XRN2: variants seen among roughly 807,000 people sequenced by gnomAD.
XRN2 encodes DHM1-like protein.
In XRN2, 44 loss-of-function variants were observed where a neutral mutation model predicts 138.5. The ratio of observed to expected loss-of-function variants is 0.32; its 90% CI spans 0.25 to 0.41. The LOEUF (loss-of-function observed/expected upper bound fraction) is 0.41, where lower values mean the gene tolerates loss of function less well. XRN2 is among the 10% of genes least tolerant of loss of function. The probability of loss-of-function intolerance (pLI) is 1.00; values close to 1 mark genes in which losing one functional copy is unlikely to be tolerated. For missense variants in XRN2, 937 were observed against 1,169.3 expected (o/e 0.80, Z 2.90); for synonymous variants, 354 against 369.4 (o/e 0.96, Z 0.48).
At chr20:21,357,579 CT>C (rs1049552028) in intron 23 of XRN2, among the ~76,000 whole-genome samples, 156 bp from the exon 24 acceptor site, 85 of 151,132 alleles carry the variant, frequency 5.6e-4, no homozygotes, top group African/African-American at 2.0e-3. Flanking sequence ...GGTACTTACT[CT>C]TTTTTTTTAA....
At chr20:21,383,314 T>C (rs528481497) in intron 28 of XRN2, among the ~76,000 whole-genome samples, 1 of 152,348 alleles carries the variant, frequency 6.6e-6, no homozygotes, top group African/African-American at 2.4e-5. Flanking sequence ...TCCTAAATTA[T>C]ATACTTGGTT....
chr20:21,330,054 C>T (rs184036964), intron 4 of XRN2, among the ~76,000 whole-genome samples: 4 of 152,088 alleles, frequency 2.6e-5, no homozygotes, highest in African/African-American at 9.6e-5. Flanking sequence ...AGGCCGAGGA[C>T]GGCAGATGAC....
intron 13 of XRN2, among the ~76,000 whole-genome samples, chr20:21,336,545 C>T (rs542561274): frequency 2.0e-5 from 3 of 152,242 alleles, no homozygotes; most frequent in African/African-American, 7.2e-5. Flanking sequence ...TCATGTTTAC[C>T]TTTTAACTTG....
At chr20:21,373,699 G>T (rs1034729853) in intron 27 of XRN2, among the ~76,000 whole-genome samples, 1 of 152,170 alleles carries the variant, frequency 6.6e-6, no homozygotes, top group Admixed American at 6.5e-5. Context: ...ATATCTCACC[G>T]AGCTTTTAGT....
At position 21,389,425 on chromosome 20, in the gene XRN2, T is replaced by C. The variant is rs2038966671; in HGVS notation, c.*87T>C. The C allele has an allele frequency of 8.3e-7, 1 of 1,204,716 alleles. No homozygotes were observed. The highest frequency in any genetic ancestry group is 2.2e-5 in the Admixed American group (1 of 44,482). 74.6% of individuals were successfully genotyped at this position (1,204,716 alleles called of 1,614,324 possible). Reference sequence around the variant, plus strand: ...GATTTCTTTCTCAAGTAGTAGTTTTTAATAAAACTACAGTACTTTGTGTAT... The same window carrying C: ...GATTTCTTTCTCAAGTAGTAGTTTTCAATAAAACTACAGTACTTTGTGTAT... On this transcript the variant is annotated 3_prime_UTR_variant, in exon 30 of 30. Coordinates refer to ENST00000377191, the MANE Select transcript of XRN2 (RefSeq NM_012255.5).
At chr20:21,372,195 C>T (rs2038771378) in intron 27 of XRN2, among the ~76,000 whole-genome samples, 1 of 152,182 alleles carries the variant, frequency 6.6e-6, no homozygotes, top group Non-Finnish European at 1.5e-5. Flanking sequence ...AGGATTAGTG[C>T]TGGGACTCTA....
At chr20:21,334,247 T>C (rs2038255673) in intron 13 of XRN2, 62 bp downstream of exon 13, 6 of 1,335,602 alleles carry the variant, frequency 4.5e-6, no homozygotes, top group African/African-American at 1.5e-5. Flanking sequence ...ATGATGATCC[T>C]GTGATTACTT....
At chr20:21,350,281 A>G (rs1234010006) in intron 20 of XRN2, among the ~76,000 whole-genome samples, 2 of 152,016 alleles carry the variant, frequency 1.3e-5, no homozygotes, top group Admixed American at 6.6e-5. Context: ...AATCCCAGCA[A>G]TTTGGGAGGC....
At chr20:21,347,581 G>C (rs1048749794) in intron 17 of XRN2, among the ~76,000 whole-genome samples, 1 of 152,228 alleles carries the variant, frequency 6.6e-6, no homozygotes, top group Non-Finnish European at 1.5e-5. Context: ...ACACATCTTA[G>C]ATATCTCTTT....
chr20:21,306,703 T>C (rs1320354793), intron 1 of XRN2, among the ~76,000 whole-genome samples: 2 of 76,434 alleles, frequency 2.6e-5, no homozygotes, highest in African/African-American at 7.2e-5. Context: ...ATTGTTATTA[T>C]GTTATAATAA....
chr20:21,315,089 C>T (rs1304017825), intron 1 of XRN2, among the ~76,000 whole-genome samples: 1 of 152,174 alleles, frequency 6.6e-6, no homozygotes, highest in Non-Finnish European at 1.5e-5. Context: ...AAAAAATGTC[C>T]TGCTTCCAGG....
rs2122306220 is a variant in XRN2, at chr20:21,365,435, A to G, written c.2270A>G (p.Asp757Gly). 6.2e-7 allele frequency: 1 copy of G among 1,613,374 alleles called. No homozygotes were observed. Among genetic ancestry groups the G allele is most frequent in the Non-Finnish European group, 8.5e-7 (1 of 1,179,854 alleles). ...TTCTTTTCCAGTATTAATTTTAAAG[A>G]CCCACAGTTTGCTGAAGATTACATT... ...QNTVVSINFKDPQFAEDYIFK... is the reference protein window; with the variant it reads ...QNTVVSINFKGPQFAEDYIFK... The change falls in exon 25 of 30, where the codon GAC (aspartate) becomes GGC (glycine). Residue 757 changes from aspartate (D) to glycine (G), a missense_variant. Asp to Gly is a moderately conservative substitution (Grantham distance 94). Transcript: ENST00000377191.
In XRN2 at chr20:21,346,507, C is replaced by T. The variant is rs368852414; in HGVS notation, c.1622C>T (p.Ser541Leu). The change falls in exon 17 of 30, where the codon TCG becomes TTG. Residue 541 changes from serine to leucine, a missense_variant. Around this residue, in one of 6 missense-constraint regions of XRN2, gnomAD observed 471 missense variants for 581.2 expected, o/e 0.81. Coordinates refer to ENST00000377191, the MANE Select transcript of XRN2 (RefSeq NM_012255.5). ...AAATTCCGTCGGAAAGTTGTGCAGT[C>T]GTACGTTGAAGGACTTTGCTGGGTT... ...DEKFRRKVVQ[S>L]YVEGLCWVLR... The T allele has an allele frequency of 9.9e-6, 16 of 1,613,954 alleles. No individual in the cohort carries two copies. The Admixed American group carries it at 1.0e-4, about 10-fold the overall frequency.
chr20:21,341,627 G>C (rs1368420703), intron 15 of XRN2, among the ~76,000 whole-genome samples: 4 of 152,190 alleles, frequency 2.6e-5, no homozygotes, highest in Non-Finnish European at 4.4e-5. Flanking sequence ...AACAGACCCT[G>C]ATCTAACAGT....
intron 1 of XRN2, among the ~76,000 whole-genome samples, chr20:21,312,464 C>T (rs2037895151): frequency 6.6e-6 from 1 of 152,106 alleles, no homozygotes; most frequent in Non-Finnish European, 1.5e-5. Context: ...CTGATTCAGT[C>T]ATCAGCTTCT....
At chr20:21,365,079 C>A (rs1600710092) in intron 24 of XRN2, among the ~76,000 whole-genome samples, 1 of 152,212 alleles carries the variant, frequency 6.6e-6, no homozygotes, top group East Asian at 1.9e-4. Context: ...GTGGACTGAA[C>A]AAAATTAAAG....
At chr20:21,311,728 C>G (rs1468601593) in intron 1 of XRN2, among the ~76,000 whole-genome samples, 1 of 152,160 alleles carries the variant, frequency 6.6e-6, no homozygotes, top group Non-Finnish European at 1.5e-5. Flanking sequence ...TGGCTCACGC[C>G]TGCAATCCCA....
chr20:21,326,316 C>G lies in XRN2; in HGVS notation c.113C>G (p.Ala38Gly). The G allele has an allele frequency of 6.2e-6, 10 of 1,613,680 alleles. No individual in the cohort carries two copies. The highest frequency in any genetic ancestry group is 7.6e-6 in the Non-Finnish European group (9 of 1,179,750). ...AATGGTGTAAAGATTCCAGTTGATG[C>G]CAGTAAACCTAATCCAAATGATGTG... is the stretch of plus-strand genomic sequence containing the variant. ...ECNGVKIPVD[A>G]SKPNPNDVEF... The change falls in exon 2 of 30, where the codon GCC becomes GGC. Residue 38 changes from alanine (A) to glycine (G), a missense_variant. Coordinates refer to ENST00000377191, the MANE Select transcript of XRN2 (RefSeq NM_012255.5).
At chr20:21,376,940 G>A (rs935795639) in intron 27 of XRN2, among the ~76,000 whole-genome samples, 1 of 152,068 alleles carries the variant, frequency 6.6e-6, no homozygotes, top group African/African-American at 2.4e-5. Context: ...GAGAAATTTG[G>A]GGATTGTCTG....
Sources: allele counts gnomAD v4.1 joint callset (sites outside exome capture counted in the v4.1 genomes callset), GRCh38; gene constraint gnomAD v4.1.1; regional missense constraint gnomAD v4.1.1; transcripts MANE v1.5; gene names NCBI Gene and HGNC (gene_info 2026-07-23, HGNC 2026-07-21).